Variants in MBOAT2 observed in about 807,000 individuals in gnomAD.
The protein encoded by MBOAT2 is membrane bound glycerophospholipid O-acyltransferase 2.
Under a neutral mutation model 63.4 loss-of-function variants are expected in MBOAT2, and 28 were observed. That is an observed-to-expected ratio of 0.44 (90% CI 0.33 to 0.61). The LOEUF (loss-of-function observed/expected upper bound fraction) is 0.61, where lower values mean the gene tolerates loss of function less well. Among genes scored for constraint, MBOAT2 ranks in the 20% least tolerant of loss-of-function variants. MBOAT2 has a pLI of 0.03. For missense variants in MBOAT2, 470 were observed against 605.8 expected (o/e 0.78, Z 2.35); for synonymous variants, 211 against 215.6 (o/e 0.98, Z 0.19).
chr2:8,881,827 A>G (rs962340692), intron 6 of MBOAT2, among the ~76,000 whole-genome samples: 5 of 152,214 alleles, frequency 3.3e-5, no homozygotes, highest in African/African-American at 9.6e-5. Flanking sequence ...ATAATATCAC[A>G]AACAATCTCA....
chr2:8,992,951 T>C (rs922625533), intron 1 of MBOAT2, among the ~76,000 whole-genome samples: 1 of 152,184 alleles, frequency 6.6e-6, no homozygotes, highest in African/African-American at 2.4e-5. Context: ...CAGGCTTCCC[T>C]GGACTGGATG....
chr2:8,979,919 AG>A (rs1344260035), intron 1 of MBOAT2, among the ~76,000 whole-genome samples: 1 of 152,150 alleles, frequency 6.6e-6, no homozygotes. Flanking sequence ...CTAGGGAGAA[AG>A]CCGCAGATGG....
intron 1 of MBOAT2, among the ~76,000 whole-genome samples, chr2:8,982,290 T>C (rs746937069): frequency 4.6e-5 from 7 of 152,190 alleles, no homozygotes; most frequent in Non-Finnish European, 1.0e-4. Flanking sequence ...TGGAGAAAGC[T>C]GTACTACACT....
intron 1 of MBOAT2, among the ~76,000 whole-genome samples, chr2:8,969,647 T>C (rs1439836217): frequency 6.6e-6 from 1 of 152,116 alleles, no homozygotes; most frequent in East Asian, 1.9e-4. Context: ...GAGACACACG[T>C]AGGCTCAAAA....
At chr2:8,914,934 CTTTTTTTTTTT>C (rs938665533) in intron 3 of MBOAT2, among the ~76,000 whole-genome samples, 2 of 60,244 alleles carry the variant, frequency 3.3e-5, no homozygotes, top group African/African-American at 6.9e-5. Flanking sequence ...CTGGAAATTT[CTTTTTTTTTTT>C]TTTTTTTTTT....
chr2:8,908,529 C>G, intron 4 of MBOAT2, 92 bp downstream of exon 4: 2 of 668,830 alleles, frequency 3.0e-6, no homozygotes, highest in Non-Finnish European at 5.2e-6. Context: ...AATAGCTTTT[C>G]ACTTGAACTA....
intron 9 of MBOAT2, among the ~76,000 whole-genome samples, chr2:8,868,031 G>A (rs1011615635): frequency 6.6e-6 from 1 of 152,106 alleles, no homozygotes; most frequent in Non-Finnish European, 1.5e-5. Flanking sequence ...ACAGCTCTCG[G>A]CTCCCAGGCT....
At chr2:8,985,634 G>A (rs994936125) in intron 1 of MBOAT2, among the ~76,000 whole-genome samples, 5 of 152,068 alleles carry the variant, frequency 3.3e-5, no homozygotes, top group African/African-American at 4.8e-5. Context: ...CTTAGGAAGC[G>A]TCATCCTTCA....
intron 7 of MBOAT2, among the ~76,000 whole-genome samples, chr2:8,875,567 C>T (rs1377531154): frequency 6.6e-6 from 1 of 152,214 alleles, no homozygotes; most frequent in Non-Finnish European, 1.5e-5. Flanking sequence ...CTTTTGCAGA[C>T]AAGGACTCAT....
intron 4 of MBOAT2, among the ~76,000 whole-genome samples, chr2:8,895,353 A>G (rs934245495): frequency 2.0e-5 from 3 of 152,206 alleles, no homozygotes; most frequent in Admixed American, 2.0e-4. Context: ...TCCGTTTTAC[A>G]GAGTGCTGAT....
intron 2 of MBOAT2, among the ~76,000 whole-genome samples, chr2:8,952,142 G>C (rs574647713): frequency 6.6e-6 from 1 of 152,134 alleles, no homozygotes; most frequent in East Asian, 1.9e-4. Context: ...TTATTTCAAA[G>C]AATTTTTATG....
At chr2:8,946,034 T>TA (rs1668391442) in intron 2 of MBOAT2, among the ~76,000 whole-genome samples, 1 of 152,134 alleles carries the variant, frequency 6.6e-6, no homozygotes, top group African/African-American at 2.4e-5. Context: ...CGATATATGC[T>TA]AAAAAAGAGA....
At chr2:8,896,238 CAAA>C (rs967667476) in intron 4 of MBOAT2, among the ~76,000 whole-genome samples, 1 of 51,214 alleles carries the variant, frequency 2.0e-5, no homozygotes, top group African/African-American at 6.9e-5. Context: ...GACTCCGTCT[CAAA>C]AAAAAAAAAA....
chr2:8,898,006 C>A (rs1238514851), intron 4 of MBOAT2, among the ~76,000 whole-genome samples: 1 of 152,178 alleles, frequency 6.6e-6, no homozygotes, highest in Non-Finnish European at 1.5e-5. Context: ...GCCTCTGACA[C>A]TAAGACGGCC....
chr2:8,937,984 T>C (rs1261118545), intron 3 of MBOAT2, among the ~76,000 whole-genome samples: 2 of 152,108 alleles, frequency 1.3e-5, no homozygotes, highest in Admixed American at 6.5e-5. Context: ...CGGTGCTGAA[T>C]TTCTATGAGA....
chr2:8,896,298 C>T (rs991567820), intron 4 of MBOAT2, among the ~76,000 whole-genome samples: 1 of 150,872 alleles, frequency 6.6e-6, no homozygotes, highest in African/African-American at 2.4e-5. Context: ...GAAGCCTTTT[C>T]CCGTAAAGGC....
At chr2:8,863,424 C>G (rs150396004) in intron 10 of MBOAT2, among the ~76,000 whole-genome samples, 139 of 152,304 alleles carry the variant, frequency 9.1e-4, no homozygotes, top group African/African-American at 3.2e-3. Context: ...AATGTGCTCA[C>G]AGGGACGATA....
chr2:8,898,066 C>T (rs867972566), intron 4 of MBOAT2, among the ~76,000 whole-genome samples: 12 of 152,226 alleles, frequency 7.9e-5, no homozygotes, highest in African/African-American at 2.9e-4. Flanking sequence ...GCTACTACAT[C>T]AATTTCCTTA....
intron 1 of MBOAT2, among the ~76,000 whole-genome samples, chr2:9,001,474 G>A (rs1416807883): frequency 6.6e-6 from 1 of 152,130 alleles, no homozygotes; most frequent in East Asian, 1.9e-4. Flanking sequence ...GAATTGTTCA[G>A]CTCCATCATA....
Sources: allele counts gnomAD v4.1 joint callset (sites outside exome capture counted in the v4.1 genomes callset), GRCh38; gene constraint gnomAD v4.1.1; transcripts MANE v1.5; gene names NCBI Gene and HGNC (gene_info 2026-07-23, HGNC 2026-07-21).